Variants in KCNK13 observed in about 807,000 individuals in gnomAD.
The protein encoded by KCNK13 is potassium two pore domain channel subfamily K member 13, also known as potassium channel subfamily K member 13.
KCNK13 carries 12 observed loss-of-function variants against 23.4 expected under a neutral mutation model. The ratio of observed to expected loss-of-function variants is 0.51; its 90% confidence interval spans 0.33 to 0.83. KCNK13 has a LOEUF of 0.83. Ranked by LOEUF, KCNK13 falls within the 40% of genes least tolerant of loss-of-function variation. The probability of loss-of-function intolerance (pLI) is 0.02; values close to 1 mark genes in which losing one functional copy is unlikely to be tolerated. For synonymous variants in KCNK13, 231 were observed against 229.5 expected, an observed-to-expected ratio of 1.01 and a Z score of -0.06; for missense variants, 463 against 556.3, an observed-to-expected ratio of 0.83 and a Z score of 1.69.
chr14:90,157,702 C>CTTTTTTTTTT (rs34114368), intron 1 of KCNK13, among the ~76,000 whole-genome samples: 3,559 of 100,022 alleles, frequency 0.036, 408 homozygotes, highest in East Asian at 0.16. Flanking sequence ...CTTGGCTTTC[C>CTTTTTTTTTT]TTTTTTTTTT....
intron 1 of KCNK13, among the ~76,000 whole-genome samples, chr14:90,091,087 G>A (rs893473020): frequency 6.6e-6 from 1 of 152,178 alleles, no homozygotes; most frequent in African/African-American, 2.4e-5. Context: ...AAGTGCCGAG[G>A]TTCCTCTTGT....
chr14:90,143,675 A>G (rs190954372), intron 1 of KCNK13, among the ~76,000 whole-genome samples: 1 of 152,336 alleles, frequency 6.6e-6, no homozygotes, highest in Admixed American at 6.5e-5. Context: ...TCATGAATCA[A>G]GCAGATCCTA....
At chr14:90,130,248 G>A (rs1164414288) in intron 1 of KCNK13, among the ~76,000 whole-genome samples, 3 of 150,692 alleles carry the variant, frequency 2.0e-5, no homozygotes, top group East Asian at 2.0e-4. Context: ...CGCCCAGACT[G>A]GAGTGCAATG....
intron 1 of KCNK13, among the ~76,000 whole-genome samples, chr14:90,072,312 T>C (rs182637769): frequency 1.1e-4 from 16 of 152,310 alleles, no homozygotes; most frequent in Non-Finnish European, 2.2e-4. Flanking sequence ...AGGGAAACAC[T>C]GTAATCCATG....
chr14:90,185,103 G>C lies in KCNK13; in HGVS notation c.*100G>C. The C allele has an allele frequency of 8.8e-7, 1 of 1,130,634 alleles. No homozygotes were observed. Among genetic ancestry groups the C allele is most frequent in the South Asian group, 1.8e-5 (1 of 54,958 alleles). The allele number at this position is 1,130,634 out of a possible 1,614,324, so 70.0% of individuals were successfully genotyped here. A position where few individuals can be genotyped will look rare whatever the true frequency, so the allele number is the denominator to read the frequency against. ...CTGCGCCTTGGCTCTGTTCCTTCTG[G>C]GAGCTGTTCCCGGGAGCCTCCGCAA... On this transcript the variant is annotated 3_prime_UTR_variant, in exon 2 of 2. Transcript: ENST00000282146.
chr14:90,090,159 G>A (rs1191870531), intron 1 of KCNK13, among the ~76,000 whole-genome samples: 1 of 152,252 alleles, frequency 6.6e-6, no homozygotes, highest in Non-Finnish European at 1.5e-5. Context: ...TGCACCATGT[G>A]CCTGGAAAAG....
At chr14:90,091,181 A>T (rs975236157) in intron 1 of KCNK13, among the ~76,000 whole-genome samples, 2 of 152,200 alleles carry the variant, frequency 1.3e-5, no homozygotes, top group African/African-American at 2.4e-5. Context: ...CCCACATGAT[A>T]TTATTTTTTT....
intron 1 of KCNK13, among the ~76,000 whole-genome samples, chr14:90,109,171 C>T (rs924463112): frequency 3.0e-5 from 4 of 135,008 alleles, no homozygotes; most frequent in South Asian, 2.6e-4. Context: ...AGCAAGACTC[C>T]GTCTCAAAAA....
At chr14:90,123,139 A>C (rs1460612749) in intron 1 of KCNK13, among the ~76,000 whole-genome samples, 1 of 152,212 alleles carries the variant, frequency 6.6e-6, no homozygotes, top group Non-Finnish European at 1.5e-5. Flanking sequence ...CACCCCCAGG[A>C]ACTTGCACTC....
At chr14:90,164,915 G>A (rs552443367) in intron 1 of KCNK13, among the ~76,000 whole-genome samples, 6 of 152,158 alleles carry the variant, frequency 3.9e-5, no homozygotes, top group African/African-American at 7.2e-5. Context: ...CACTGTATTT[G>A]TTCATTTCAC....
chr14:90,159,932 C>T (rs79659039), intron 1 of KCNK13, among the ~76,000 whole-genome samples: 5,742 of 127,984 alleles, frequency 0.045, 368 homozygotes, highest in African/African-American at 0.15. Flanking sequence ...TCTTAATAAT[C>T]GTGTGTGTGT....
intron 1 of KCNK13, among the ~76,000 whole-genome samples, chr14:90,106,299 G>T (rs1351169973): frequency 6.6e-6 from 1 of 152,182 alleles, no homozygotes; most frequent in African/African-American, 2.4e-5. Flanking sequence ...AAGGTCCTGG[G>T]CGCAGTGGCT....
chr14:90,069,047 TTTTTTTTG>T, intron 1 of KCNK13, among the ~76,000 whole-genome samples: 1 of 147,654 alleles, frequency 6.8e-6, no homozygotes, highest in Admixed American at 6.7e-5. Flanking sequence ...TTTTTTTTTT[TTTTTTTTG>T]AGACAGAGTT....
intron 1 of KCNK13, among the ~76,000 whole-genome samples, chr14:90,140,642 T>A (rs1379635708): frequency 6.6e-6 from 1 of 152,178 alleles, no homozygotes; most frequent in East Asian, 1.9e-4. Context: ...CCCTGTAAGA[T>A]CCTGCTGTAC....
intron 1 of KCNK13, among the ~76,000 whole-genome samples, chr14:90,182,982 G>A (rs950950815): frequency 3.9e-5 from 6 of 152,118 alleles, no homozygotes; most frequent in Non-Finnish European, 8.8e-5. Flanking sequence ...CATGTTTACT[G>A]AATCATTTGC....
intron 1 of KCNK13, among the ~76,000 whole-genome samples, chr14:90,175,223 T>TA (rs1305349487): frequency 6.6e-6 from 1 of 152,224 alleles, no homozygotes; most frequent in Non-Finnish European, 1.5e-5. Context: ...GGTACCTAGG[T>TA]ACCTGGAATT....
At chr14:90,129,238 A>G (rs538854644) in intron 1 of KCNK13, among the ~76,000 whole-genome samples, 1 of 152,240 alleles carries the variant, frequency 6.6e-6, no homozygotes, top group South Asian at 2.1e-4. Flanking sequence ...TCCACAGTTT[A>G]CTTATTCCTT....
In KCNK13 at chr14:90,102,184, G is replaced by T. The variant is rs920387623; in HGVS notation, c.334+39645G>T. ...GGGCATGAGCCAACGTGCCCAGCCA[G>T]AAATAAAAAATTTTTAAAAAGAAAT... is the stretch of plus-strand genomic sequence containing the variant. On this transcript the variant is annotated intron_variant, in intron 1 of 1. Coordinates refer to ENST00000282146, the MANE Select transcript of KCNK13 (RefSeq NM_022054.4). 2.0e-5 allele frequency among the ~76,000 whole-genome samples: 3 copies of T among 152,136 alleles called. No homozygotes were observed. The East Asian group carries it at 5.8e-4, about 30-fold the overall frequency.
intron 1 of KCNK13, among the ~76,000 whole-genome samples, chr14:90,157,702 C>CTTTTTTTTTTTTTTTTTTTTTT (rs34114368): frequency 1.0e-5 from 1 of 100,348 alleles, no homozygotes; most frequent in Non-Finnish European, 1.9e-5. Context: ...CTTGGCTTTC[C>CTTTTTTTTTTTTTTTTTTTTTT]TTTTTTTTTT....
Sources: gnomAD v4.1 joint callset for allele counts (sites outside exome capture counted in the v4.1 genomes callset) on GRCh38, gnomAD v4.1.1 for gene constraint, MANE v1.5 for transcripts, NCBI Gene and HGNC (gene_info 2026-07-23, HGNC 2026-07-21) for gene names.